The following NTNG1 variants were observed in gnomAD, a reference collection of about 807,000 sequenced individuals.
NTNG1 encodes the protein netrin G1.
NTNG1 carries 16 observed loss-of-function variants against 54.0 expected under a neutral mutation model. That is an observed-to-expected ratio of 0.30 (90% CI 0.20 to 0.45). NTNG1 has a LOEUF of 0.45. Ranked by LOEUF, NTNG1 falls within the 20% of genes least tolerant of loss-of-function variation. NTNG1 has a pLI of 1.00. For missense variants in NTNG1, 530 were observed against 678.7 expected, an observed-to-expected ratio of 0.78 and a Z score of 2.43; for synonymous variants, 255 against 263.1, an observed-to-expected ratio of 0.97 and a Z score of 0.30.
At chr1:107,466,854 C>T (rs1418419465) in intron 7 of NTNG1, among the ~76,000 whole-genome samples, 3 of 152,222 alleles carry the variant, frequency 2.0e-5, no homozygotes, top group Non-Finnish European at 2.9e-5. Flanking sequence ...TGAGACACAA[C>T]AGCCTTGCTC....
At chr1:107,381,596 T>G (rs1671651429) in intron 3 of NTNG1, among the ~76,000 whole-genome samples, 1 of 152,214 alleles carries the variant, frequency 6.6e-6, no homozygotes. Flanking sequence ...TTGCATCCAG[T>G]CTAGCTCATT....
chr1:107,147,336 G>A (rs545338326), intron 1 of NTNG1, among the ~76,000 whole-genome samples: 103 of 152,096 alleles, frequency 6.8e-4, no homozygotes, highest in Admixed American at 1.9e-3. Context: ...TATAATATTC[G>A]CCTTTGGGAC....
At chr1:107,318,600 C>T (rs534923776) in intron 2 of NTNG1, among the ~76,000 whole-genome samples, 11 of 151,566 alleles carry the variant, frequency 7.3e-5, no homozygotes, top group African/African-American at 2.2e-4. Flanking sequence ...AAGTTATGGC[C>T]ACAGTGTGTG....
intron 5 of NTNG1, among the ~76,000 whole-genome samples, chr1:107,415,062 C>T (rs539278902): frequency 1.3e-5 from 2 of 152,128 alleles, no homozygotes; most frequent in East Asian, 3.9e-4. Flanking sequence ...TTTTGGTCTC[C>T]ATACTACATA....
chr1:107,419,936 G>T (rs966421543), intron 5 of NTNG1, among the ~76,000 whole-genome samples: 2 of 152,016 alleles, frequency 1.3e-5, no homozygotes, highest in African/African-American at 2.4e-5. Context: ...TATGAAAGAA[G>T]AAATACAGAT....
intron 3 of NTNG1, among the ~76,000 whole-genome samples, chr1:107,369,783 T>C (rs760221872): frequency 2.0e-5 from 3 of 152,120 alleles, no homozygotes; most frequent in Non-Finnish European, 4.4e-5. Context: ...ATCCTGTTGG[T>C]GCCACATCTA....
In NTNG1 at chr1:107,386,684, G is replaced by A. The variant is rs372023610; in HGVS notation, c.888-8470G>A. On this transcript the variant is annotated intron_variant, in intron 3 of 7. Coordinates refer to ENST00000370068, the MANE Select transcript of NTNG1 (RefSeq NM_001113226.3). ...TCACTTTTTGGCTATTATGAATAAT[G>A]TTGCTTTTAATATTTGCGTACAAGT... Among the ~76,000 whole-genome samples the A allele has an allele frequency of 3.9e-4, 60 of 152,236 alleles. 1 individual carries two copies. Among genetic ancestry groups the A allele is most frequent in the African/African-American group, 1.4e-3 (59 of 41,548 alleles).
intron 5 of NTNG1, among the ~76,000 whole-genome samples, chr1:107,428,177 A>G (rs1557991604): frequency 6.6e-6 from 1 of 151,814 alleles, no homozygotes; most frequent in Non-Finnish European, 1.5e-5. Flanking sequence ...CCCACTCTTT[A>G]CTCTATTACT....
intron 3 of NTNG1, among the ~76,000 whole-genome samples, chr1:107,385,488 C>A (rs114499598): frequency 6.6e-6 from 1 of 151,914 alleles, no homozygotes; most frequent in Non-Finnish European, 1.5e-5. Flanking sequence ...AATACCCCAT[C>A]GGTCAGAACA....
At chr1:107,236,325 A>G (rs1661411546) in intron 2 of NTNG1, among the ~76,000 whole-genome samples, 1 of 152,180 alleles carries the variant, frequency 6.6e-6, no homozygotes, top group African/African-American at 2.4e-5. Flanking sequence ...TCAAAAGTGA[A>G]GATTTAAGTT....
intron 5 of NTNG1, among the ~76,000 whole-genome samples, chr1:107,411,834 C>A (rs963638881): frequency 6.6e-6 from 1 of 152,078 alleles, no homozygotes; most frequent in African/African-American, 2.4e-5. Flanking sequence ...ATCACAGAAC[C>A]ATTTCATATT....
intron 3 of NTNG1, among the ~76,000 whole-genome samples, chr1:107,342,124 G>C (rs1173473671): frequency 6.6e-6 from 1 of 152,014 alleles, no homozygotes; most frequent in Admixed American, 6.6e-5. Flanking sequence ...TTTATATTGA[G>C]TATATCCTAT....
intron 2 of NTNG1, among the ~76,000 whole-genome samples, chr1:107,257,195 G>C (rs1169773153): frequency 1.3e-5 from 2 of 152,262 alleles, no homozygotes; most frequent in Non-Finnish European, 2.9e-5. Context: ...GAATGAACCA[G>C]TTTAGAAACC....
intron 2 of NTNG1, among the ~76,000 whole-genome samples, chr1:107,267,745 C>T (rs1216621045): frequency 6.6e-6 from 1 of 152,192 alleles, no homozygotes; most frequent in Non-Finnish European, 1.5e-5. Context: ...CAGTTGAGCA[C>T]ACAGCAAGCA....
chr1:107,162,575 C>T (rs1326430494), intron 2 of NTNG1, among the ~76,000 whole-genome samples: 1 of 151,954 alleles, frequency 6.6e-6, no homozygotes, highest in African/African-American at 2.4e-5. Context: ...GGCAAAATAA[C>T]AGAAAGAAGC....
intron 3 of NTNG1, among the ~76,000 whole-genome samples, chr1:107,358,355 C>A (rs759369370): frequency 6.7e-6 from 1 of 149,092 alleles, no homozygotes; most frequent in African/African-American, 2.5e-5. Context: ...GGAGATAGTA[C>A]TTAATTTTTT....
intron 2 of NTNG1, among the ~76,000 whole-genome samples, chr1:107,323,799 G>A (rs183685375): frequency 8.5e-5 from 13 of 152,176 alleles, no homozygotes; most frequent in African/African-American, 3.1e-4. Context: ...GCTGAATGTT[G>A]TATGGGGGTA....
At chr1:107,444,332 C>G (rs927761016) in intron 7 of NTNG1, among the ~76,000 whole-genome samples, 3 of 152,138 alleles carry the variant, frequency 2.0e-5, no homozygotes, top group Admixed American at 2.0e-4. Context: ...TCTTCACACA[C>G]TAAGGGCTCC....
intron 4 of NTNG1, among the ~76,000 whole-genome samples, chr1:107,400,905 T>A (rs1557967877): frequency 1.3e-5 from 2 of 152,106 alleles, no homozygotes; most frequent in South Asian, 4.1e-4. Flanking sequence ...CTGCCTCAGC[T>A]TCCCAAAGTG....
Sources: allele counts gnomAD v4.1 joint callset (sites outside exome capture counted in the v4.1 genomes callset), GRCh38; gene constraint gnomAD v4.1.1; transcripts MANE v1.5; gene names NCBI Gene and HGNC (gene_info 2026-07-23, HGNC 2026-07-21).